Variants in ODAD1 observed in about 807,000 individuals in gnomAD.
The protein encoded by ODAD1 is outer dynein arm-docking complex subunit 1.
Under a neutral mutation model 67.2 loss-of-function variants are expected in ODAD1, and 49 were observed. That is an observed-to-expected ratio of 0.73 (90% CI 0.58 to 0.92). ODAD1 has a LOEUF of 0.92. Among genes scored for constraint, ODAD1 ranks in the 40% least tolerant of loss-of-function variants. The pLI is 0.00. For missense variants in ODAD1, 897 were observed against 953.7 expected, an observed-to-expected ratio of 0.94 and a Z score of 0.78; for synonymous variants, 345 against 393.7, an observed-to-expected ratio of 0.88 and a Z score of 1.46.
chr19:48,303,711 A>C lies in ODAD1; in HGVS notation c.927T>G (p.Asn309Lys). The C allele has an allele frequency of 6.2e-7, 1 of 1,614,108 alleles. No homozygotes were observed. Among genetic ancestry groups the C allele is most frequent in the African/African-American group, 1.3e-5 (1 of 75,042 alleles). ...RLVLCYEDAL[N>K]KLSQLMGESD... is the part of the protein sequence containing the mutation. ...TCTCCCCCATCAGCTGGGACAGTTT[A>C]TTCAGGGCGTCCTCGTAGCAAAGCA... is the stretch of plus-strand genomic sequence containing the variant. Residue 309 changes from asparagine to lysine, a missense_variant, in exon 10 of 16, where the codon AAT (asparagine) becomes AAG (lysine). Transcript: ENST00000674294.
chr19:48,313,521 T>G (rs1357932930), intron 5 of ODAD1, among the ~76,000 whole-genome samples: 1 of 151,734 alleles, frequency 6.6e-6, no homozygotes, highest in Non-Finnish European at 1.5e-5. Context: ...AGACAGAGTC[T>G]TCATAGAAGT....
chr19:48,313,527 GAAGT>G (rs1968826243), intron 5 of ODAD1, among the ~76,000 whole-genome samples: 1 of 150,804 alleles, frequency 6.6e-6, no homozygotes, highest in South Asian at 2.1e-4. Context: ...AGTCTTCATA[GAAGT>G]AATTAAAATG....
chr19:48,315,666 G>A (rs1968878974), intron 5 of ODAD1, among the ~76,000 whole-genome samples: 1 of 151,900 alleles, frequency 6.6e-6, no homozygotes. Context: ...TCCTGCAGTC[G>A]AGTCTCCCCC....
In ODAD1 at chr19:48,297,487, C is replaced by T. The variant is rs749435831; in HGVS notation, c.1613G>A (p.Arg538His). The T allele has an allele frequency of 7.2e-5, 116 of 1,602,856 alleles. No individual in the cohort carries two copies. Among genetic ancestry groups the T allele is most frequent in the Non-Finnish European group, 9.5e-5 (112 of 1,176,886 alleles). Residue 538 changes from arginine to histidine, a missense_variant, in exon 16 of 16, where the codon CGC (arginine) becomes CAC (histidine). Transcript: ENST00000674294. Reference sequence around the variant, plus strand: ...GGCGGCGGCGGCCAGGTCCTTCTGGCGCTGCGCCTCCGCCTGCTCCTGGAG... The same window carrying T: ...GGCGGCGGCGGCCAGGTCCTTCTGGTGCTGCGCCTCCGCCTGCTCCTGGAG... ...VELQEQAEAQ[R>H]QKDLAAAAAK...
In ODAD1 at chr19:48,296,538, C is replaced by T. The variant is rs1411844200; in HGVS notation, c.*438G>A. On this transcript the variant is annotated 3_prime_UTR_variant, in exon 16 of 16. Transcript: ENST00000674294. The stretch of plus-strand genomic sequence containing the variant: ...GGCGTCTTCGCCCTGACTTTTCCCA[C>T]ACCTGTCAGCACTGGGGGGCTCTTG... The T allele has an allele frequency of 1.8e-5, 3 of 165,910 alleles. No individual in the cohort carries two copies. The Admixed American group carries it at 1.9e-4, about 10-fold the overall frequency. The allele number at this position is 165,910 out of a possible 1,614,324, so 10.3% of individuals were successfully genotyped here. A position where few individuals can be genotyped will look rare whatever the true frequency, so the allele number is the denominator to read the frequency against.
At position 48,303,639 on chromosome 19, in the gene ODAD1, G is replaced by GC. The variant is rs1569004476; in HGVS notation, c.988+10dup. 1.9e-6 allele frequency: 3 copies of GC among 1,613,944 alleles called. No homozygotes were observed. Among genetic ancestry groups the GC allele is most frequent in the Non-Finnish European group, 2.5e-6 (3 of 1,179,912 alleles). Reference sequence around the variant, plus strand: ...CCCGGGCCTCCTCCCTCCACCCAGGGCCCCACTCACTCTCCAGATACTTCT... The same window carrying GC: ...CCCGGGCCTCCTCCCTCCACCCAGGGCCCCCACTCACTCTCCAGATACTTCT... On this transcript the variant is annotated intron_variant, in intron 10 of 15. Coordinates refer to ENST00000674294, the MANE Select transcript of ODAD1 (RefSeq NM_001364171.2).
chr19:48,303,026 TC>T lies in ODAD1; in HGVS notation c.1057del (p.Glu353LysfsTer11). 6.2e-7 allele frequency: 1 copy of T among 1,613,962 alleles called. No homozygotes were observed. The highest frequency in any genetic ancestry group is 8.5e-7 in the Non-Finnish European group (1 of 1,179,922). ...GGCCTCACTCACCTCCTTGATCTCT[TC>T]CTGCACATGCTCCAGCTCCAAGTTC... ...EQNLELEHVQ[E>X]EIKEMQEALV... On this transcript the variant is annotated frameshift_variant, in exon 11 of 16. Coordinates refer to ENST00000674294, the MANE Select transcript of ODAD1 (RefSeq NM_001364171.2). LOFTEE classifies it high-confidence loss of function.
At chr19:48,313,141 T>C (rs1291321109) in intron 5 of ODAD1, among the ~76,000 whole-genome samples, 3 of 152,070 alleles carry the variant, frequency 2.0e-5, no homozygotes, top group Non-Finnish European at 2.9e-5. Context: ...TAAAAACTCA[T>C]ATGTTGGCCG....
At chr19:48,308,175 T>C (rs909473824) in intron 7 of ODAD1, among the ~76,000 whole-genome samples, 3 of 151,704 alleles carry the variant, frequency 2.0e-5, no homozygotes, top group Admixed American at 6.6e-5. Flanking sequence ...TGTTTCCTTT[T>C]TGCTTTTTTT....
At chr19:48,320,462 C>T in intron 2 of ODAD1, 71 bp from the exon 3 acceptor site, 1 of 809,134 alleles carries the variant, frequency 1.2e-6, no homozygotes, top group Non-Finnish European at 1.7e-6. Flanking sequence ...GGACAATGAA[C>T]TGCGAGGGAC....
rs977010757 is a variant in ODAD1 at position 48,296,680 on chromosome 19, C to A, written c.*296G>T. 13 of 984,236 alleles carry A rather than the reference C, an allele frequency of 1.3e-5. No individual in the cohort carries two copies. Among genetic ancestry groups the A allele is most frequent in the Admixed American group, 1.3e-4 (3 of 23,448 alleles). 61.0% of individuals were successfully genotyped at this position (984,236 alleles called of 1,614,324 possible). On this transcript the variant is annotated 3_prime_UTR_variant, in exon 16 of 16. Transcript: ENST00000674294. ...GGATCCACAGGGGGCCAGGGCTCAG[C>A]AGACAGGGAAGGGGCAGATATGGAG...
intron 1 of ODAD1, 109 bp downstream of exon 1, chr19:48,321,569 C>T: frequency 2.8e-6 from 1 of 353,120 alleles, no homozygotes; most frequent in Non-Finnish European, 5.1e-6. Flanking sequence ...ACGAGGGGCC[C>T]GGTGGAAGGG....
chr19:48,309,233 G>T (rs1600866977), intron 7 of ODAD1, among the ~76,000 whole-genome samples: 1 of 152,116 alleles, frequency 6.6e-6, no homozygotes, highest in East Asian at 1.9e-4. Flanking sequence ...CAGATTCCTG[G>T]GCAGAAGAGG....
At chr19:48,301,634 T>C (rs1569003066) in intron 12 of ODAD1, among the ~76,000 whole-genome samples, 1 of 152,094 alleles carries the variant, frequency 6.6e-6, no homozygotes, top group African/African-American at 2.4e-5. Flanking sequence ...TCATTGCAGA[T>C]AGATGGATGA....
At chr19:48,303,455 G>A in intron 10 of ODAD1, 195 bp downstream of exon 10, 1 of 630,414 alleles carries the variant, frequency 1.6e-6, no homozygotes, top group Non-Finnish European at 2.8e-6. Flanking sequence ...CAGGAGTTAG[G>A]AGGGGGTGGG....
chr19:48,308,297 C>T lies in ODAD1; in HGVS notation c.598-1974G>A, dbSNP rs1968669812. Among the ~76,000 whole-genome samples, 4 of 152,088 alleles carry T rather than the reference C, an allele frequency of 2.6e-5. No individual in the cohort carries two copies. The South Asian group carries it at 8.3e-4, about 32-fold the overall frequency. ...TCAAGTGATTCTCCTGCCTCAGCCT[C>T]CCAAGTAGCTGGGATTACAGGCGTG... On this transcript the variant is annotated intron_variant, in intron 7 of 15. Coordinates refer to ENST00000674294, the MANE Select transcript of ODAD1 (RefSeq NM_001364171.2).
chr19:48,306,855 T>A (rs1235437359), intron 7 of ODAD1, among the ~76,000 whole-genome samples: 2 of 152,230 alleles, frequency 1.3e-5, no homozygotes, highest in Admixed American at 1.3e-4. Context: ...GAGACCAGCC[T>A]GGCCAACATA....
chr19:48,299,044 C>A (rs1968386472), intron 12 of ODAD1, among the ~76,000 whole-genome samples: 2 of 152,248 alleles, frequency 1.3e-5, no homozygotes, highest in South Asian at 2.1e-4. Flanking sequence ...AAAGTAGGCA[C>A]TGCCATCCCC....
Position 48,303,853 on chromosome 19 carries a change from G to C in ODAD1, c.854-69C>G, listed in dbSNP as rs1262180060. Reference sequence around the variant, plus strand: ...CAACACAGAGACCTCCTGGGTGAGGGGGAGCGAAGTGTGGTCCCACCTGGG... The same window carrying C: ...CAACACAGAGACCTCCTGGGTGAGGCGGAGCGAAGTGTGGTCCCACCTGGG... On this transcript the variant is annotated intron_variant, in intron 9 of 15. Coordinates refer to ENST00000674294, the MANE Select transcript of ODAD1 (RefSeq NM_001364171.2). 2.5e-6 allele frequency: 4 copies of C among 1,574,724 alleles called. No individual in the cohort carries two copies. The African/African-American group carries it at 4.0e-5, about 16-fold the overall frequency.
Sources: gnomAD v4.1 joint callset for allele counts (sites outside exome capture counted in the v4.1 genomes callset) on GRCh38, gnomAD v4.1.1 for gene constraint, MANE v1.5 for transcripts, NCBI Gene and HGNC (gene_info 2026-07-23, HGNC 2026-07-21) for gene names.